CELF2: variants seen among roughly 807,000 people sequenced by gnomAD.
The protein encoded by CELF2 is CUG triplet repeat RNA-binding protein 2.
Under a neutral mutation model 62.6 loss-of-function variants are expected in CELF2, and 8 were observed. That is an observed-to-expected ratio of 0.13 (90% CI 0.07 to 0.23). The LOEUF is 0.23. Ranked by LOEUF, CELF2 falls within the 10% of genes least tolerant of loss-of-function variation. CELF2 has a pLI of 1.00. For missense variants in CELF2, 333 were observed against 671.0 expected (o/e 0.50, Z 5.56); for synonymous variants, 258 against 250.0 (o/e 1.03, Z -0.30).
intron 1 of CELF2, among the ~76,000 whole-genome samples, chr10:11,031,124 G>A (rs140953247): frequency 1.3e-5 from 2 of 152,240 alleles, no homozygotes; most frequent in East Asian, 1.9e-4. Context: ...CTCAGGTGGC[G>A]CTACGCCTTC....
intron 1 of CELF2, among the ~76,000 whole-genome samples, chr10:11,059,658 G>T (rs1442475089): frequency 6.6e-6 from 1 of 152,178 alleles, no homozygotes; most frequent in Non-Finnish European, 1.5e-5. Context: ...TAGCCTTGCA[G>T]ACTCCGAGAT....
At chr10:11,026,902 A>G (rs10905885) in intron 1 of CELF2, among the ~76,000 whole-genome samples, 40,894 of 152,016 alleles carry the variant, frequency 0.27, 7,096 homozygotes, top group East Asian at 0.71. Flanking sequence ...TTCCTACATT[A>G]TAGGAGGAGT....
the CELF2 span, among the ~76,000 whole-genome samples, chr10:10,771,062 T>A: frequency 6.6e-5 from 10 of 152,210 alleles, no homozygotes; most frequent in African/African-American, 2.4e-4. Context: ...CGAGTGTTCT[T>A]CTAGTTGCTC....
At chr10:11,273,882 C>T (rs775752875) in intron 7 of CELF2, among the ~76,000 whole-genome samples, 1 of 151,816 alleles carries the variant, frequency 6.6e-6, no homozygotes, top group Admixed American at 6.6e-5. Context: ...CCACCACACC[C>T]GGCTAATTTT....
the CELF2 span, among the ~76,000 whole-genome samples, chr10:10,695,631 C>G: frequency 6.6e-6 from 1 of 152,124 alleles, no homozygotes; most frequent in African/African-American, 2.4e-5. Context: ...CTCCCAATCA[C>G]TTTCAGGTAC....
At chr10:10,834,667 A>G (rs1203930297) in intron 1 of CELF2, among the ~76,000 whole-genome samples, 1 of 152,178 alleles carries the variant, frequency 6.6e-6, no homozygotes, top group Admixed American at 6.5e-5. Context: ...CAATTTTTTT[A>G]CCTGACCCCA....
chr10:10,672,486 T>C, the CELF2 span, among the ~76,000 whole-genome samples: 1 of 141,808 alleles, frequency 7.1e-6, no homozygotes, highest in African/African-American at 2.6e-5. Flanking sequence ...TGTGTCTACA[T>C]TCCTTTTTTT....
the CELF2 span, among the ~76,000 whole-genome samples, chr10:10,481,461 G>C: frequency 6.6e-6 from 1 of 152,094 alleles, no homozygotes; most frequent in Admixed American, 6.6e-5. Context: ...TTGGGGAAAG[G>C]CATGACAAGA....
the CELF2 span, among the ~76,000 whole-genome samples, chr10:10,552,793 C>T: frequency 2.3e-3 from 348 of 152,290 alleles, 2 homozygotes; most frequent in Non-Finnish European, 3.9e-3. Context: ...TGTCTTCTAT[C>T]TTAACTTCGG....
Position 11,224,737 on chromosome 10 carries a change from C to T in CELF2, c.354+7230C>T, listed in dbSNP as rs1023272736. Among the ~76,000 whole-genome samples, 4 of 152,120 alleles carry T rather than the reference C, an allele frequency of 2.6e-5. No individual in the cohort carries two copies. The highest frequency in any genetic ancestry group is 2.1e-4 in the South Asian group (1 of 4,828). On this transcript the variant is annotated intron_variant, in intron 3 of 12. Transcript: ENST00000633077. The surrounding 1 kb of genome is among the most constrained non-coding windows in gnomAD (Gnocchi z 4.5). The stretch of plus-strand genomic sequence containing the variant: ...TCTTTAATCTTTGACATCAGCTGAG[C>T]GTAACTCAGGAGATGATGTCCAGGT...
chr10:10,797,026 C>A, upstream of CELF2: 1 of 304,208 alleles, frequency 3.3e-6, no homozygotes, highest in Non-Finnish European at 4.8e-6. Context: ...AGAGGGTTAG[C>A]TGCATATGTT....
chr10:11,068,380 A>G (rs925203592), intron 1 of CELF2, among the ~76,000 whole-genome samples: 165 of 152,210 alleles, frequency 1.1e-3, no homozygotes, highest in African/African-American at 3.7e-3. Context: ...AATGATGCCA[A>G]TATCTTAAAG....
chr10:10,919,962 A>C lies in CELF2; in HGVS notation c.54-2A>C, dbSNP rs1387540827. On this transcript the variant is annotated splice_acceptor_variant, in intron 1 of 13. Coordinates refer to the CELF2 transcript ENST00000636488. LOFTEE classifies it high-confidence loss of function. ...CTTATCTTCTTTTTCTCCTTCCTGC[A>C]GAGAGACGGCCACAGAGTTAGCTGG... The C allele has an allele frequency of 2.4e-6, 3 of 1,231,364 alleles. No homozygotes were observed. The East Asian group carries it at 9.5e-5, about 39-fold the overall frequency. The allele number at this position is 1,231,364 out of a possible 1,614,324, so 76.3% of individuals were successfully genotyped here. A position where few individuals can be genotyped will look rare whatever the true frequency, so the allele number is the denominator to read the frequency against.
chr10:11,212,635 G>A (rs932668590), intron 2 of CELF2, among the ~76,000 whole-genome samples: 4 of 152,100 alleles, frequency 2.6e-5, no homozygotes, highest in Non-Finnish European at 4.4e-5. Context: ...GTTTTCCATT[G>A]GACCTGATGG....
chr10:11,051,476 C>A (rs984369348), intron 1 of CELF2, among the ~76,000 whole-genome samples: 31 of 152,220 alleles, frequency 2.0e-4, no homozygotes, highest in African/African-American at 7.2e-4. Context: ...ACTGTACCAA[C>A]AACCTAAACA....
At position 11,330,712 on chromosome 10, in the gene CELF2, T is replaced by C. The variant is rs928660242; in HGVS notation, c.*1659T>C. ...AATTTATTATTAGACAAATTCATTATAGAAAAAACCTGTGGCAAAAACGTT... is the reference window on the plus strand; with the variant it reads ...AATTTATTATTAGACAAATTCATTACAGAAAAAACCTGTGGCAAAAACGTT... On this transcript the variant is annotated 3_prime_UTR_variant, in exon 13 of 13. Transcript: ENST00000633077. The surrounding 1 kb of genome is among the most constrained non-coding windows in gnomAD (Gnocchi z 4.5). The C allele has an allele frequency of 6.6e-6, 1 of 152,644 alleles. No homozygotes were observed. The highest frequency in any genetic ancestry group is 2.4e-5 in the African/African-American group (1 of 41,444). 9.5% of individuals were successfully genotyped at this position (152,644 alleles called of 1,614,324 possible).
the CELF2 span, among the ~76,000 whole-genome samples, chr10:10,571,649 C>T: frequency 6.6e-6 from 1 of 152,062 alleles, no homozygotes; most frequent in African/African-American, 2.4e-5. Context: ...TGGGAGGGTA[C>T]ATGGGGCATC....
chr10:11,186,438 T>C (rs1455686490), intron 2 of CELF2, among the ~76,000 whole-genome samples: 3 of 152,182 alleles, frequency 2.0e-5, no homozygotes, highest in Non-Finnish European at 4.4e-5. Context: ...AAATCTTTTT[T>C]TCTCCAAATG....
chr10:11,025,136 G>T (rs2058934701), intron 1 of CELF2, among the ~76,000 whole-genome samples: 1 of 152,038 alleles, frequency 6.6e-6, no homozygotes, highest in African/African-American at 2.4e-5. Context: ...TAGGCTAAAA[G>T]AGTAAAGTAT....
Sources: allele counts gnomAD v4.1 joint callset (sites outside exome capture counted in the v4.1 genomes callset), GRCh38; gene constraint gnomAD v4.1.1; non-coding constraint Gnocchi (gnomAD v3.1); transcripts MANE v1.5; gene names NCBI Gene and HGNC (gene_info 2026-07-23, HGNC 2026-07-21).